The following UBR3 variants were observed in gnomAD, a reference collection of about 807,000 sequenced individuals.
UBR3 encodes ubiquitin protein ligase E3 component n-recognin 3.
Under a neutral mutation model 243.2 loss-of-function variants are expected in UBR3, and 85 were observed. That is an observed-to-expected ratio of 0.35 (90% CI 0.29 to 0.42). UBR3 has a LOEUF of 0.42. Ranked by LOEUF, UBR3 falls within the 10% of genes least tolerant of loss-of-function variation. The probability of loss-of-function intolerance (pLI) is 1.00; values close to 1 mark genes in which losing one functional copy is unlikely to be tolerated. For synonymous variants in UBR3, 748 were observed against 799.8 expected (o/e 0.94, Z 1.09); for missense variants, 1,686 against 2,300.8 (o/e 0.73, Z 5.47).
At chr2:169,873,802 T>C (rs1365457941) in intron 2 of UBR3, among the ~76,000 whole-genome samples, 1 of 152,234 alleles carries the variant, frequency 6.6e-6, no homozygotes, top group African/African-American at 2.4e-5. Flanking sequence ...GTTATTGAAA[T>C]TGCCTTATGC....
At chr2:170,020,671 A>T (rs2090366041) in intron 30 of UBR3, among the ~76,000 whole-genome samples, 1 of 152,214 alleles carries the variant, frequency 6.6e-6, no homozygotes, top group South Asian at 2.1e-4. Context: ...ACTAGGAGTT[A>T]TACTCTAGGA....
At chr2:170,070,335 T>C (rs773828493) in intron 35 of UBR3, among the ~76,000 whole-genome samples, 21 of 152,106 alleles carry the variant, frequency 1.4e-4, no homozygotes, top group Non-Finnish European at 2.8e-4. Flanking sequence ...AGGCTAGGAA[T>C]AGAAGGGAAT....
chr2:169,882,285 A>T (rs2083909737), intron 5 of UBR3, among the ~76,000 whole-genome samples: 1 of 137,590 alleles, frequency 7.3e-6, no homozygotes, highest in Admixed American at 7.7e-5. Context: ...TCATATATTT[A>T]TATATTGTAT....
chr2:170,080,624 G>A lies in UBR3; in HGVS notation c.5489G>A (p.Arg1830His), dbSNP rs750869549. 2.5e-6 allele frequency: 4 copies of A among 1,613,826 alleles called. No individual in the cohort carries two copies. The highest frequency in any genetic ancestry group is 2.5e-6 in the Non-Finnish European group (3 of 1,179,946). ...ASVIIIIRGH[R>H]FCLWGSVYLD... ...GTAATTATCATCATTCGAGGTCACC[G>A]CTTCTGCCTCTGGGGTTCCGTGTAT... The change falls in exon 38 of 39, where the codon CGC (arginine) becomes CAC (histidine). Residue 1830 changes from arginine (R) to histidine (H), a missense_variant. Physicochemically the swap from Arg to His is conservative, Grantham distance 29 (BLOSUM62 0). Coordinates refer to ENST00000272793, the MANE Select transcript of UBR3 (RefSeq NM_172070.4).
At chr2:170,079,778 C>T in intron 36 of UBR3, 36 bp from the exon 37 acceptor site, 1 of 1,553,228 alleles carries the variant, frequency 6.4e-7, no homozygotes, top group Non-Finnish European at 8.8e-7. Flanking sequence ...GACTTAAATA[C>T]ATAAAACTAA....
intron 1 of UBR3, among the ~76,000 whole-genome samples, chr2:169,854,993 A>T (rs1301006876): frequency 6.6e-6 from 1 of 152,146 alleles, no homozygotes; most frequent in Non-Finnish European, 1.5e-5. Context: ...GGATTTTTTG[A>T]GTCAGTGCTG....
chr2:170,066,993 T>TAATAATAAAAAA (rs71006067), intron 35 of UBR3, among the ~76,000 whole-genome samples: 2 of 144,228 alleles, frequency 1.4e-5, no homozygotes, highest in African/African-American at 2.6e-5. Flanking sequence ...ATAATAATAA[T>TAATAATAAAAAA]AAACTTCATT....
At chr2:170,001,452 T>C in intron 27 of UBR3, 38 bp downstream of exon 27, 1 of 1,242,676 alleles carries the variant, frequency 8.0e-7, no homozygotes, top group Non-Finnish European at 1.2e-6. Context: ...GGTGCATGTA[T>C]CTTTCCAGGT....
intron 20 of UBR3, among the ~76,000 whole-genome samples, chr2:169,943,403 C>T (rs1294312904): frequency 6.6e-6 from 1 of 152,062 alleles, no homozygotes; most frequent in East Asian, 1.9e-4. Context: ...GAGTTCGAGA[C>T]CAGCCTGGCC....
In UBR3 at chr2:169,827,486, C is replaced by G; in HGVS notation, c.-22C>G. Reference sequence around the variant, plus strand: ...CTGGAGGAGCCGCTGGCCCTGGACTCTCCAAATTCTGAGCTCTCATCATGG... The same window carrying G: ...CTGGAGGAGCCGCTGGCCCTGGACTGTCCAAATTCTGAGCTCTCATCATGG... On this transcript the variant is annotated 5_prime_UTR_variant, in exon 1 of 39. Coordinates refer to ENST00000272793, the MANE Select transcript of UBR3 (RefSeq NM_172070.4). 8.2e-7 allele frequency: 1 copy of G among 1,225,632 alleles called. No individual in the cohort carries two copies. Among genetic ancestry groups the G allele is most frequent in the East Asian group, 3.2e-5 (1 of 31,142 alleles). 75.9% of individuals were successfully genotyped at this position (1,225,632 alleles called of 1,614,324 possible). A position where few individuals can be genotyped will look rare whatever the true frequency, so the allele number is the denominator to read the frequency against.
At chr2:169,834,675 A>G (rs1482917534) in intron 1 of UBR3, among the ~76,000 whole-genome samples, 1 of 152,196 alleles carries the variant, frequency 6.6e-6, no homozygotes, top group Non-Finnish European at 1.5e-5. Flanking sequence ...GACTATTTTG[A>G]AGCAAATATC....
intron 1 of UBR3, among the ~76,000 whole-genome samples, chr2:169,857,860 G>T (rs949571699): frequency 4.6e-5 from 7 of 152,160 alleles, no homozygotes; most frequent in Non-Finnish European, 7.4e-5. Context: ...TCAGACCTCA[G>T]CCCCTCAAGT....
At chr2:170,019,867 C>T (rs2090343858) in intron 30 of UBR3, among the ~76,000 whole-genome samples, 1 of 152,100 alleles carries the variant, frequency 6.6e-6, no homozygotes, top group African/African-American at 2.4e-5. Flanking sequence ...CCTCGAACTC[C>T]TGGGCTCAAG....
At chr2:169,916,497 C>T (rs1402980050) in intron 11 of UBR3, among the ~76,000 whole-genome samples, 3 of 151,964 alleles carry the variant, frequency 2.0e-5, no homozygotes, top group Non-Finnish European at 4.4e-5. Flanking sequence ...GGGCTCTGAC[C>T]CCCACTTTGG....
chr2:169,974,156 G>T (rs12988282), intron 24 of UBR3, among the ~76,000 whole-genome samples: 66,704 of 151,940 alleles, frequency 0.44, 15,774 homozygotes, highest in Non-Finnish European at 0.54. Flanking sequence ...TCTTTGTCTG[G>T]TTTTTGTATC....
intron 1 of UBR3, among the ~76,000 whole-genome samples, chr2:169,846,338 A>G (rs1020143846): frequency 1.3e-5 from 2 of 152,002 alleles, no homozygotes; most frequent in African/African-American, 4.8e-5. Context: ...CTTATTCTTT[A>G]GTCTGTTTTG....
chr2:169,931,932 G>C (rs4392222), intron 18 of UBR3, among the ~76,000 whole-genome samples: 3 of 151,856 alleles, frequency 2.0e-5, no homozygotes, highest in Non-Finnish European at 2.9e-5. Flanking sequence ...ACCATCAGTT[G>C]TACACATTCC....
chr2:169,947,693 C>T lies in UBR3; in HGVS notation c.3062C>T (p.Ser1021Phe), dbSNP rs905444237. Residue 1021 changes from serine (S) to phenylalanine (F), a missense_variant, in exon 22 of 39, where the codon TCT becomes TTT. By Grantham distance (155) the Ser-to-Phe change is radical. This residue lies in a region of UBR3 where 300 missense variants were observed against 314.4 expected (regional missense o/e 0.95). Coordinates refer to ENST00000272793, the MANE Select transcript of UBR3 (RefSeq NM_172070.4). Reference protein sequence around the residue: ...VKRDSPASTSSDNLGSLQNSG... With the variant: ...VKRDSPASTSFDNLGSLQNSG... Reference sequence around the variant, plus strand: ...AGAGACTCACCTGCAAGTACTAGCTCTGATAACTTGGGTTCTTTACAAGTA... The same window carrying T: ...AGAGACTCACCTGCAAGTACTAGCTTTGATAACTTGGGTTCTTTACAAGTA... The T allele has an allele frequency of 2.7e-6, 4 of 1,507,058 alleles. No individual in the cohort carries two copies. The highest frequency in any genetic ancestry group is 1.7e-4 in the Middle Eastern group (1 of 5,820). The allele number at this position is 1,507,058 out of a possible 1,614,324, so 93.4% of individuals were successfully genotyped here.
intron 24 of UBR3, among the ~76,000 whole-genome samples, chr2:169,970,457 A>C: frequency 1.9e-5 from 2 of 105,668 alleles, no homozygotes; most frequent in East Asian, 2.9e-4. Context: ...TATATCTCCC[A>C]ATGCTATCCC....
Sources: gnomAD v4.1 joint callset for allele counts (sites outside exome capture counted in the v4.1 genomes callset) on GRCh38, gnomAD v4.1.1 for gene constraint, gnomAD v4.1.1 regional missense constraint, MANE v1.5 for transcripts, NCBI Gene and HGNC (gene_info 2026-07-23, HGNC 2026-07-21) for gene names.